The following KDM7A variants were observed in gnomAD, a reference collection of about 807,000 sequenced individuals.
The protein encoded by KDM7A is lysine demethylase 7A, also known as lysine-specific demethylase 7A.
KDM7A carries 28 observed loss-of-function variants against 114.8 expected under a neutral mutation model. That is an observed-to-expected ratio of 0.24 (90% CI 0.18 to 0.33). The LOEUF is 0.33. Ranked by LOEUF, KDM7A falls within the 10% of genes least tolerant of loss-of-function variation. The pLI is 1.00. For missense variants in KDM7A, 942 were observed against 1,142.5 expected, an observed-to-expected ratio of 0.82 and a Z score of 2.53; for synonymous variants, 423 against 397.8, an observed-to-expected ratio of 1.06 and a Z score of -0.75.
At chr7:140,164,211 A>G (rs1376071724) in intron 1 of KDM7A, among the ~76,000 whole-genome samples, 1 of 151,380 alleles carries the variant, frequency 6.6e-6, no homozygotes, top group Admixed American at 6.6e-5. Context: ...CAAAATCCAG[A>G]AAGTGGGAAT....
rs1162467060 is a variant in KDM7A at position 140,097,057 on chromosome 7, T to C, written c.2017-10A>G. ...TGGTAAAGATACTTTTCTGAGATGA[T>C]AATTACATGGAAACAAAGCTACATA... is the stretch of plus-strand genomic sequence containing the variant. On this transcript the variant is annotated splice_polypyrimidine_tract_variant and intron_variant, in intron 15 of 19. Transcript: ENST00000397560. The C allele has an allele frequency of 1.9e-6, 3 of 1,603,148 alleles. No homozygotes were observed. Among genetic ancestry groups the C allele is most frequent in the South Asian group, 2.2e-5 (2 of 90,150 alleles).
At chr7:140,119,390 G>A (rs1383244865) in intron 8 of KDM7A, among the ~76,000 whole-genome samples, 171 bp from the exon 9 acceptor site, 2 of 152,146 alleles carry the variant, frequency 1.3e-5, no homozygotes, top group Non-Finnish European at 2.9e-5. Context: ...TCTTATCCAG[G>A]TTCTGACTTT....
chr7:140,100,731 T>TATATACAC (rs1818206824), intron 12 of KDM7A, among the ~76,000 whole-genome samples: 1 of 49,958 alleles, frequency 2.0e-5, no homozygotes, highest in Non-Finnish European at 4.0e-5. Flanking sequence ...TATATATATA[T>TATATACAC]ATATATATAT....
chr7:140,091,236 A>T lies in KDM7A; in HGVS notation c.2732-48T>A. On this transcript the variant is annotated intron_variant, in intron 19 of 19. Coordinates refer to ENST00000397560, the MANE Select transcript of KDM7A (RefSeq NM_030647.2). ...GTAAGTAATGATGAAAAGTACACTT[A>T]AGAGAGCACCTGGAAGACTACGGGG... 4 of 1,281,716 alleles carry T rather than the reference A, an allele frequency of 3.1e-6. No homozygotes were observed. In the South Asian group the frequency reaches 4.7e-5, roughly 15 times the overall value. The allele number at this position is 1,281,716 out of a possible 1,614,324, so 79.4% of individuals were successfully genotyped here.
At chr7:140,136,373 G>T (rs1818870496) in intron 2 of KDM7A, among the ~76,000 whole-genome samples, 1 of 152,150 alleles carries the variant, frequency 6.6e-6, no homozygotes, top group Non-Finnish European at 1.5e-5. Flanking sequence ...GGATACAATT[G>T]TCCTGTTGGG....
rs568976422 is a variant in KDM7A at position 140,137,492 on chromosome 7, A to G, written c.280+1613T>C. Among the ~76,000 whole-genome samples the G allele has an allele frequency of 1.2e-4, 19 of 152,314 alleles. 1 individual carries two copies. The highest frequency in any genetic ancestry group is 1.2e-3 in the South Asian group (6 of 4,828). ...GTTAAGTCTCCCTTGAGATAACATC[A>G]TATTATTTATTTACTTTCTCCAAGA... On this transcript the variant is annotated intron_variant, in intron 2 of 19. Transcript: ENST00000397560.
rs772499150 is a variant in KDM7A at position 140,102,027 on chromosome 7, G to A, written c.1562C>T (p.Thr521Ile). 4 of 1,613,770 alleles carry A rather than the reference G, an allele frequency of 2.5e-6. No homozygotes were observed. The highest frequency in any genetic ancestry group is 2.2e-5 in the South Asian group (2 of 91,084). The change falls in exon 12 of 20, where the codon ACT becomes ATT. Residue 521 changes from threonine to isoleucine, a missense_variant. Physicochemically the swap from Thr to Ile is moderately conservative, Grantham distance 89. Around this residue, in one of 4 missense-constraint regions of KDM7A, gnomAD observed 512 missense variants for 576.6 expected, o/e 0.89. Transcript: ENST00000397560. ...CTCTAGGATGTCTAGGTTAGAAGGA[G>A]TTCGGACATTATGATCTCGAAGTTT... ...MRKLRDHNVR[T>I]PSNLDILELH...
chr7:140,101,684 T>C (rs774741919), intron 12 of KDM7A, among the ~76,000 whole-genome samples: 3 of 152,136 alleles, frequency 2.0e-5, no homozygotes, highest in Admixed American at 6.5e-5. Flanking sequence ...CACAATCTTC[T>C]CCAGAGCCTA....
intron 1 of KDM7A, among the ~76,000 whole-genome samples, chr7:140,139,868 G>C (rs1483906332): frequency 6.6e-6 from 1 of 152,160 alleles, no homozygotes; most frequent in African/African-American, 2.4e-5. Flanking sequence ...AAAGACATTA[G>C]ATATAAATGA....
At chr7:140,104,775 G>C (rs894195464) in intron 11 of KDM7A, among the ~76,000 whole-genome samples, 2 of 152,100 alleles carry the variant, frequency 1.3e-5, no homozygotes, top group African/African-American at 4.8e-5. Flanking sequence ...TGGCAATGTA[G>C]GCTCTTTTTT....
At chr7:140,139,258 G>A (rs1794227143) in intron 1 of KDM7A, 68 bp from the exon 2 acceptor site, 1 of 1,053,038 alleles carries the variant, frequency 9.5e-7, no homozygotes, top group Non-Finnish European at 1.5e-6. Context: ...ATAATACAGT[G>A]GTTGGAATTT....
chr7:140,162,101 C>A (rs1481028234), intron 1 of KDM7A, among the ~76,000 whole-genome samples: 1 of 151,904 alleles, frequency 6.6e-6, no homozygotes, highest in Non-Finnish European at 1.5e-5. Flanking sequence ...TTTGGGAGGC[C>A]GAGGCAGACG....
At chr7:140,173,847 T>G (rs906131535) in intron 1 of KDM7A, among the ~76,000 whole-genome samples, 2 of 151,734 alleles carry the variant, frequency 1.3e-5, no homozygotes, top group African/African-American at 4.8e-5. Flanking sequence ...ACATACAGAG[T>G]CCAAATTACC....
chr7:140,112,548 T>C (rs1025043263), intron 10 of KDM7A, among the ~76,000 whole-genome samples: 10 of 151,832 alleles, frequency 6.6e-5, no homozygotes, highest in Non-Finnish European at 1.3e-4. Context: ...GAGGCGTAGG[T>C]TGCAGCGAGC....
At chr7:140,120,401 TA>T (rs769622063) in intron 8 of KDM7A, 40 bp downstream of exon 8, 38 of 1,211,050 alleles carry the variant, frequency 3.1e-5, no homozygotes, top group Non-Finnish European at 4.1e-5. Context: ...ATCCTATTTT[TA>T]AAAAGGACAA....
intron 2 of KDM7A, among the ~76,000 whole-genome samples, chr7:140,136,070 C>T (rs1211055961): frequency 6.6e-6 from 1 of 152,214 alleles, no homozygotes; most frequent in Non-Finnish European, 1.5e-5. Context: ...AGCAATCCTC[C>T]TATCTCAGCA....
intron 8 of KDM7A, 63 bp downstream of exon 8, chr7:140,120,378 TA>T (rs879043362): frequency 0.023 from 17,984 of 770,734 alleles, 1 homozygote; most frequent in South Asian, 0.034. Context: ...TTTTTTAAGT[TA>T]AAAAAAAAAG....
chr7:140,124,598 A>AGGG (rs1225880095), intron 7 of KDM7A, 23 bp downstream of exon 7: 3 of 1,580,462 alleles, frequency 1.9e-6, no homozygotes, highest in Non-Finnish European at 1.7e-6. Context: ...CATGTTGAGT[A>AGGG]GGGGATGGGA....
At chr7:140,143,714 C>G (rs887938969) in intron 1 of KDM7A, among the ~76,000 whole-genome samples, 2 of 152,172 alleles carry the variant, frequency 1.3e-5, no homozygotes, top group Non-Finnish European at 2.9e-5. Flanking sequence ...TCTTTGAGAG[C>G]TTGAGTAGAG....
Sources: allele counts gnomAD v4.1 joint callset (sites outside exome capture counted in the v4.1 genomes callset), GRCh38; gene constraint gnomAD v4.1.1; regional missense constraint gnomAD v4.1.1; transcripts MANE v1.5; gene names NCBI Gene and HGNC (gene_info 2026-07-23, HGNC 2026-07-21).